Variants in PPP1R3G observed in about 807,000 individuals in gnomAD.
The protein encoded by PPP1R3G is protein phosphatase 1 regulatory subunit 3G.
PPP1R3G carries 3 observed loss-of-function variants against 2.0 expected under a neutral mutation model. The observed-to-expected ratio is 1.47, with a 90% CI of 0.67 to 3.81. The LOEUF is 3.81. PPP1R3G is among the 30% of genes most tolerant of loss of function. The pLI is 0.02. For missense variants in PPP1R3G, 595 were observed against 517.0 expected, an observed-to-expected ratio of 1.15 and a Z score of -1.46; for synonymous variants, 267 against 250.9, an observed-to-expected ratio of 1.06 and a Z score of -0.61.
At position 5,086,342 on chromosome 6, in the gene PPP1R3G, C is replaced by G; in HGVS notation, c.857C>G (p.Pro286Arg). Reference protein sequence around the residue: ...QPEAPSGASEPGSGDAKKEPG... With the variant: ...QPEAPSGASERGSGDAKKEPG... ...GAGGCACCGTCTGGGGCCTCCGAGC[C>G]AGGGTCCGGGGATGCCAAGAAAGAG... Residue 286 changes from proline to arginine, a missense_variant, in exon 1 of 1, where the codon CCA (proline) becomes CGA (arginine). By Grantham distance (103) the Pro-to-Arg change is moderately radical (BLOSUM62 -2). Coordinates refer to ENST00000405617, the MANE Select transcript of PPP1R3G (RefSeq NM_001145115.3). 6.5e-7 allele frequency: 1 copy of G among 1,535,892 alleles called. No individual in the cohort carries two copies. Among genetic ancestry groups the G allele is most frequent in the Non-Finnish European group, 8.7e-7 (1 of 1,146,718 alleles).
chr6:5,086,023 C>T lies in PPP1R3G; in HGVS notation c.538C>T (p.Leu180=). 1 of 1,494,220 alleles carries T rather than the reference C, an allele frequency of 6.7e-7. No individual in the cohort carries two copies. The highest frequency in any genetic ancestry group is 2.8e-5 in the East Asian group (1 of 35,838). 92.6% of individuals were successfully genotyped at this position (1,494,220 alleles called of 1,614,324 possible). A position where few individuals can be genotyped will look rare whatever the true frequency, so the allele number is the denominator to read the frequency against. The change falls in exon 1 of 1, where the codon CTG becomes TTG. Residue 180 remains leucine, a synonymous_variant. Coordinates refer to ENST00000405617, the MANE Select transcript of PPP1R3G (RefSeq NM_001145115.3). ...RAEDLEQLGG[L]LAAAAVAAPL... ...CGAGGACCTGGAGCAGCTCGGGGGGCTGCTGGCCGCGGCGGCAGTGGCCGC... is the reference window on the plus strand; with the variant it reads ...CGAGGACCTGGAGCAGCTCGGGGGGTTGCTGGCCGCGGCGGCAGTGGCCGC...
In PPP1R3G at chr6:5,086,445, G is replaced by C. The variant is rs1253499754; in HGVS notation, c.960G>C (p.Glu320Asp). 6.5e-7 allele frequency: 1 copy of C among 1,536,510 alleles called. No individual in the cohort carries two copies. The highest frequency in any genetic ancestry group is 1.4e-5 in the African/African-American group (1 of 73,062). ...CTGAGGACGAAGAGGACGCCGACGA[G>C]CGCGGCGTCGCGGTCCACTTCGCTG... ...LQPEDEEDADERGVAVHFAVC... is the reference protein window; with the variant it reads ...LQPEDEEDADDRGVAVHFAVC... The change falls in exon 1 of 1, where the codon GAG (glutamate) becomes GAC (aspartate). Residue 320 changes from glutamate (E) to aspartate (D), a missense_variant. Glu to Asp is a conservative substitution (Grantham distance 45, BLOSUM62 2). Transcript: ENST00000405617.
At position 5,085,690 on chromosome 6, in the gene PPP1R3G, GAGC is replaced by G; in HGVS notation, c.208_210del (p.Gln70del). 6.5e-7 allele frequency: 1 copy of G among 1,547,984 alleles called. No homozygotes were observed. Among genetic ancestry groups the G allele is most frequent in the Non-Finnish European group, 8.7e-7 (1 of 1,146,238 alleles). ...CCCGAAGGAAGAGGCCGCCCCCCAGGAGCAGGAGGAGCTGCTGGAATGCCGCCG... is the reference window on the plus strand; with the variant it reads ...CCCGAAGGAAGAGGCCGCCCCCCAGGAGGAGGAGCTGCTGGAATGCCGCCG... On this transcript the variant is annotated inframe_deletion, in exon 1 of 1. Coordinates refer to ENST00000405617, the MANE Select transcript of PPP1R3G (RefSeq NM_001145115.3).
At position 5,085,584 on chromosome 6, in the gene PPP1R3G, C is replaced by A; in HGVS notation, c.99C>A (p.Pro33=). 6.5e-7 allele frequency: 1 copy of A among 1,545,720 alleles called. No homozygotes were observed. The highest frequency in any genetic ancestry group is 1.4e-5 in the African/African-American group (1 of 73,068). The change falls in exon 1 of 1, where the codon CCC becomes CCA. Residue 33 remains proline, a synonymous_variant. Transcript: ENST00000405617. The part of the protein sequence containing the change: ...PAEELPAPVV[P]CVQGGGDGGG... ...AGGAGCTGCCCGCCCCGGTGGTCCC[C>A]TGTGTGCAGGGTGGCGGCGACGGCG...
In PPP1R3G at chr6:5,087,648, T is replaced by A. The variant is rs182443593; in HGVS notation, c.*1086T>A. ...GGATGGGAAAGTGGCTTTCTGTTCC[T>A]CTCAGAGCCACAGTGGGGAGTGGTG... is the stretch of plus-strand genomic sequence containing the variant. On this transcript the variant is annotated 3_prime_UTR_variant, in exon 1 of 1. Transcript: ENST00000405617. 1 of 152,442 alleles carries A rather than the reference T, an allele frequency of 6.6e-6. No individual in the cohort carries two copies. The highest frequency in any genetic ancestry group is 2.4e-5 in the African/African-American group (1 of 41,576). 9.4% of individuals were successfully genotyped at this position (152,442 alleles called of 1,614,324 possible). A position where few individuals can be genotyped will look rare whatever the true frequency, so the allele number is the denominator to read the frequency against.
In PPP1R3G at chr6:5,085,391, A is replaced by G. The variant is rs377376562; in HGVS notation, c.-95A>G. 2.0e-5 allele frequency: 18 copies of G among 905,030 alleles called. No homozygotes were observed. The African/African-American group carries it at 2.8e-4, about 14-fold the overall frequency. The allele number at this position is 905,030 out of a possible 1,614,324, so 56.1% of individuals were successfully genotyped here. A position where few individuals can be genotyped will look rare whatever the true frequency, so the allele number is the denominator to read the frequency against. ...CTCGCCTCGGGGAGGGCGAGCCTGA[A>G]CTGCAGCCCTGCGCTCCTTCCACGG... On this transcript the variant is annotated 5_prime_UTR_variant, in exon 1 of 1. Coordinates refer to ENST00000405617, the MANE Select transcript of PPP1R3G (RefSeq NM_001145115.3).
chr6:5,086,043 G>A lies in PPP1R3G; in HGVS notation c.558G>A (p.Val186=), dbSNP rs552226108. The A allele has an allele frequency of 1.7e-4, 246 of 1,484,546 alleles. 2 individuals carry two copies. The African/African-American group carries it at 3.2e-3, about 20-fold the overall frequency. 92.0% of individuals were successfully genotyped at this position (1,484,546 alleles called of 1,614,324 possible). A position where few individuals can be genotyped will look rare whatever the true frequency, so the allele number is the denominator to read the frequency against. The part of the protein sequence containing the change: ...QLGGLLAAAA[V]AAPLSAPPSR... ...GGGGGCTGCTGGCCGCGGCGGCAGTGGCCGCGCCCCTTTCAGCGCCGCCTT... is the reference window on the plus strand; with the variant it reads ...GGGGGCTGCTGGCCGCGGCGGCAGTAGCCGCGCCCCTTTCAGCGCCGCCTT... The change falls in exon 1 of 1, where the codon GTG becomes GTA. Residue 186 remains valine (V), a synonymous_variant. Transcript: ENST00000405617.
In PPP1R3G at chr6:5,086,863, G is replaced by A. The variant is rs933127461; in HGVS notation, c.*301G>A. The stretch of plus-strand genomic sequence containing the variant: ...GTCAGAATAGGAAGAAACTTCCAAG[G>A]CCCGGAGCAGCTGCCTCCAAGAAAA... On this transcript the variant is annotated 3_prime_UTR_variant, in exon 1 of 1. Coordinates refer to ENST00000405617, the MANE Select transcript of PPP1R3G (RefSeq NM_001145115.3). 1 of 420,032 alleles carries A rather than the reference G, an allele frequency of 2.4e-6. No homozygotes were observed. Among genetic ancestry groups the A allele is most frequent in the Non-Finnish European group, 4.2e-6 (1 of 237,302 alleles). The allele number at this position is 420,032 out of a possible 1,614,324, so 26.0% of individuals were successfully genotyped here.
chr6:5,086,070 C>T lies in PPP1R3G; in HGVS notation c.585C>T (p.Ser195=). The T allele has an allele frequency of 6.8e-7, 1 of 1,469,326 alleles. No individual in the cohort carries two copies. Among genetic ancestry groups the T allele is most frequent in the Non-Finnish European group, 8.9e-7 (1 of 1,118,738 alleles). The allele number at this position is 1,469,326 out of a possible 1,614,324, so 91.0% of individuals were successfully genotyped here. A position where few individuals can be genotyped will look rare whatever the true frequency, so the allele number is the denominator to read the frequency against. ...CCGCGCCCCTTTCAGCGCCGCCTTC[C>T]CGGCTCCGGCCGCTCTTCCAGCTCC... ...AVAAPLSAPP[S]RLRPLFQLPG... The change falls in exon 1 of 1, where the codon TCC becomes TCT. Residue 195 remains serine, a synonymous_variant. Transcript: ENST00000405617.
In PPP1R3G at chr6:5,085,523, C is replaced by T. The variant is rs1443200697; in HGVS notation, c.38C>T (p.Pro13Leu). 9 of 1,538,468 alleles carry T rather than the reference C, an allele frequency of 5.8e-6. No individual in the cohort carries two copies. Among genetic ancestry groups the T allele is most frequent in the Non-Finnish European group, 7.9e-6 (9 of 1,146,004 alleles). The change falls in exon 1 of 1, where the codon CCG becomes CTG. Residue 13 changes from proline to leucine, a missense_variant. Pro to Leu is a moderately conservative substitution (Grantham distance 98). Coordinates refer to ENST00000405617, the MANE Select transcript of PPP1R3G (RefSeq NM_001145115.3). ...PIGARLSLEA[P>L]GPAPFREAPP... ...GGGGCGCGGCTAAGTTTGGAGGCGC[C>T]GGGACCAGCGCCCTTCCGAGAGGCC...
chr6:5,086,546 C>G lies in PPP1R3G; in HGVS notation c.1061C>G (p.Pro354Arg). 2 of 1,526,258 alleles carry G rather than the reference C, an allele frequency of 1.3e-6. No individual in the cohort carries two copies. The highest frequency in any genetic ancestry group is 1.8e-6 in the Non-Finnish European group (2 of 1,138,594). The allele number at this position is 1,526,258 out of a possible 1,614,324, so 94.5% of individuals were successfully genotyped here. ...GANYTLRYAR[P>R]ADAL ...AACTACACGCTGCGCTACGCGCGCCCTGCGGACGCGCTCTGAGCCTGGAGA... is the reference window on the plus strand; with the variant it reads ...AACTACACGCTGCGCTACGCGCGCCGTGCGGACGCGCTCTGAGCCTGGAGA... Residue 354 changes from proline (P) to arginine (R), a missense_variant, in exon 1 of 1, where the codon CCT (proline) becomes CGT (arginine). By Grantham distance (103) the Pro-to-Arg change is moderately radical (BLOSUM62 -2). Coordinates refer to ENST00000405617, the MANE Select transcript of PPP1R3G (RefSeq NM_001145115.3).
rs940639633 is a variant in PPP1R3G, at chr6:5,088,861, T to G, written c.*2299T>G. On this transcript the variant is annotated 3_prime_UTR_variant, in exon 1 of 1. Coordinates refer to ENST00000405617, the MANE Select transcript of PPP1R3G (RefSeq NM_001145115.3). ...GCAGGGGAATCTACCTGTTGCCTTC[T>G]TTCACCTAAAAAAATAGTAACACAT... 1 of 152,190 alleles carries G rather than the reference T, an allele frequency of 6.6e-6. No homozygotes were observed. Among genetic ancestry groups the G allele is most frequent in the African/African-American group, 2.4e-5 (1 of 41,450 alleles). The allele number at this position is 152,190 out of a possible 1,614,324, so 9.4% of individuals were successfully genotyped here. A position where few individuals can be genotyped will look rare whatever the true frequency, so the allele number is the denominator to read the frequency against.
rs1217770736 is a variant in PPP1R3G, at chr6:5,085,947, G to A, written c.462G>A (p.Pro154=). The change falls in exon 1 of 1, where the codon CCG becomes CCA. Residue 154 remains proline, a synonymous_variant. Coordinates refer to ENST00000405617, the MANE Select transcript of PPP1R3G (RefSeq NM_001145115.3). Reference sequence around the variant, plus strand: ...AGCACTTCAGCGAGGCGGAGGAGCCGCAGGTGCCGCCCGCCGTGCTCTCGC... The same window carrying A: ...AGCACTTCAGCGAGGCGGAGGAGCCACAGGTGCCGCCCGCCGTGCTCTCGC... The part of the protein sequence containing the change: ...SVKHFSEAEE[P]QVPPAVLSRL... 18 of 1,526,806 alleles carry A rather than the reference G, an allele frequency of 1.2e-5. No homozygotes were observed. Among genetic ancestry groups the A allele is most frequent in the Admixed American group, 2.0e-5 (1 of 50,552 alleles). 94.6% of individuals were successfully genotyped at this position (1,526,806 alleles called of 1,614,324 possible).
In PPP1R3G at chr6:5,085,386, C is replaced by T; in HGVS notation, c.-100C>T. On this transcript the variant is annotated 5_prime_UTR_variant, in exon 1 of 1. Transcript: ENST00000405617. ...GGCGACTCGCCTCGGGGAGGGCGAG[C>T]CTGAACTGCAGCCCTGCGCTCCTTC... The T allele has an allele frequency of 2.3e-6, 2 of 861,702 alleles. No homozygotes were observed. Among genetic ancestry groups the T allele is most frequent in the South Asian group, 1.8e-5 (1 of 56,608 alleles). The allele number at this position is 861,702 out of a possible 1,614,324, so 53.4% of individuals were successfully genotyped here. A position where few individuals can be genotyped will look rare whatever the true frequency, so the allele number is the denominator to read the frequency against.
rs1294534050 is a variant in PPP1R3G, at chr6:5,087,938, G to C, written c.*1376G>C. 6.6e-6 allele frequency: 1 copy of C among 152,176 alleles called. No individual in the cohort carries two copies. Among genetic ancestry groups the C allele is most frequent in the African/African-American group, 2.4e-5 (1 of 41,418 alleles). 9.4% of individuals were successfully genotyped at this position (152,176 alleles called of 1,614,324 possible). ...GGCGAGTACAGTCAGTCGTTTTAGG[G>C]ATGGTAGTCTCTAAGGAGGGACAGT... On this transcript the variant is annotated 3_prime_UTR_variant, in exon 1 of 1. Transcript: ENST00000405617.
chr6:5,088,716 G>C lies in PPP1R3G; in HGVS notation c.*2154G>C, dbSNP rs1762110249. The C allele has an allele frequency of 6.6e-6, 1 of 152,200 alleles. No individual in the cohort carries two copies. The highest frequency in any genetic ancestry group is 1.5e-5 in the Non-Finnish European group (1 of 68,048). 9.4% of individuals were successfully genotyped at this position (152,200 alleles called of 1,614,324 possible). ...TAGTTAATAAAGCATTTAGACTTTA[G>C]TGAGCTTTTGCCACTTGAAATAAAC... On this transcript the variant is annotated 3_prime_UTR_variant, in exon 1 of 1. Transcript: ENST00000405617.
chr6:5,085,738 T>C lies in PPP1R3G; in HGVS notation c.253T>C (p.Phe85Leu). Residue 85 changes from phenylalanine (F) to leucine (L), a missense_variant, in exon 1 of 1, where the codon TTT becomes CTT. Coordinates refer to ENST00000405617, the MANE Select transcript of PPP1R3G (RefSeq NM_001145115.3). ...CCGCCGCCGCTGCCGCGCGCGCTCC[T>C]TTTCCTTGCCCGCCGACCCCATCTT... is the stretch of plus-strand genomic sequence containing the variant. ...ECRRRCRARS[F>L]SLPADPILQA... The C allele has an allele frequency of 1.9e-6, 3 of 1,541,892 alleles. No homozygotes were observed. The highest frequency in any genetic ancestry group is 2.6e-6 in the Non-Finnish European group (3 of 1,144,464).
rs1475571596 is a variant in PPP1R3G at position 5,087,999 on chromosome 6, G to C, written c.*1437G>C. 6.6e-6 allele frequency: 1 copy of C among 152,150 alleles called. No individual in the cohort carries two copies. Among genetic ancestry groups the C allele is most frequent in the Admixed American group, 6.5e-5 (1 of 15,282 alleles). 9.4% of individuals were successfully genotyped at this position (152,150 alleles called of 1,614,324 possible). A position where few individuals can be genotyped will look rare whatever the true frequency, so the allele number is the denominator to read the frequency against. ...CTTGATAGAACAGGGCTGGGCATAC[G>C]TACATTTGGCCCATGGGCCAAATTT... On this transcript the variant is annotated 3_prime_UTR_variant, in exon 1 of 1. Transcript: ENST00000405617.
In PPP1R3G at chr6:5,086,320, G is replaced by A. The variant is rs776966224; in HGVS notation, c.835G>A (p.Ala279Thr). The change falls in exon 1 of 1, where the codon GCA (alanine) becomes ACA (threonine). Residue 279 changes from alanine to threonine, a missense_variant. Transcript: ENST00000405617. Reference protein sequence around the residue: ...PEPLEPQQPEAPSGASEPGSG... With the variant: ...PEPLEPQQPETPSGASEPGSG... ...GCCGCTGGAGCCACAGCAGCCAGAGGCACCGTCTGGGGCCTCCGAGCCAGG... is the reference window on the plus strand; with the variant it reads ...GCCGCTGGAGCCACAGCAGCCAGAGACACCGTCTGGGGCCTCCGAGCCAGG... 292 of 1,535,624 alleles carry A rather than the reference G, an allele frequency of 1.9e-4. No individual in the cohort carries two copies. The highest frequency in any genetic ancestry group is 2.1e-4 in the Non-Finnish European group (239 of 1,146,728).
Sources: allele counts gnomAD v4.1 joint callset, GRCh38; gene constraint gnomAD v4.1.1; transcripts MANE v1.5; gene names NCBI Gene and HGNC (gene_info 2026-07-23, HGNC 2026-07-21).